MELK: variants seen among roughly 807,000 people sequenced by gnomAD.
The protein encoded by MELK is pEg3 kinase.
MELK carries 81 observed loss-of-function variants against 85.0 expected under a neutral mutation model. The observed-to-expected ratio is 0.95, with a 90% confidence interval of 0.80 to 1.15. The LOEUF (loss-of-function observed/expected upper bound fraction) is 1.15. Among genes scored for constraint, MELK ranks in the 50% most tolerant of loss-of-function variants. MELK has a pLI of 0.00. For missense variants in MELK, 754 were observed against 777.5 expected (o/e 0.97, Z 0.36); for synonymous variants, 252 against 265.0 (o/e 0.95, Z 0.48).
intron 11 of MELK, among the ~76,000 whole-genome samples, chr9:36,645,788 A>G (rs548127375): frequency 1.2e-4 from 18 of 152,266 alleles, no homozygotes; most frequent in Non-Finnish European, 2.5e-4. Flanking sequence ...CAGAGTCGAG[A>G]AGCAGTGCTC....
intron 1 of MELK, among the ~76,000 whole-genome samples, chr9:36,575,238 C>A (rs1396704029): frequency 2.0e-5 from 3 of 152,170 alleles, no homozygotes; most frequent in Non-Finnish European, 4.4e-5. Context: ...GTCTAATTTC[C>A]TTCTTCATTA....
Position 36,583,710 on chromosome 9 carries a change from G to A in MELK, c.142G>A (p.Gly48Arg). 6.3e-7 allele frequency: 1 copy of A among 1,599,692 alleles called. No individual in the cohort carries two copies. Among genetic ancestry groups the A allele is most frequent in the Non-Finnish European group, 8.6e-7 (1 of 1,168,086 alleles). The change falls in exon 3 of 18, where the codon GGG (glycine) becomes AGG (arginine). Residue 48 changes from glycine to arginine, a missense_variant and splice_region_variant. Transcript: ENST00000298048. ...AIKIMDKNTL[G>R]SDLPRIKTEI... The stretch of plus-strand genomic sequence containing the variant: ...AAAAATCATGGATAAAAACACACTA[G>A]GGGTAAGTTTAGATTTATTTAAAAA...
intron 11 of MELK, among the ~76,000 whole-genome samples, chr9:36,650,105 G>A (rs1830572082): frequency 1.3e-5 from 2 of 151,856 alleles, no homozygotes; most frequent in Non-Finnish European, 2.9e-5. Context: ...TACCACGCCC[G>A]GCTAATTTTT....
At chr9:36,616,727 G>A (rs543621024) in intron 8 of MELK, among the ~76,000 whole-genome samples, 4 of 151,402 alleles carry the variant, frequency 2.6e-5, no homozygotes, top group African/African-American at 4.8e-5. Flanking sequence ...TTGCTATCAC[G>A]TTTATCAGAT....
chr9:36,603,680 C>T (rs552289344), intron 7 of MELK, among the ~76,000 whole-genome samples: 29 of 152,150 alleles, frequency 1.9e-4, no homozygotes, highest in Middle Eastern at 3.4e-3. Context: ...GTGATCCTCC[C>T]GCCTTGGCCT....
chr9:36,604,062 C>G (rs539126471), intron 7 of MELK, among the ~76,000 whole-genome samples: 20 of 151,440 alleles, frequency 1.3e-4, no homozygotes, highest in African/African-American at 4.9e-4. Context: ...CTCTGCCTCC[C>G]GAGTTCAAGC....
chr9:36,598,335 C>A (rs1824521758), intron 6 of MELK, among the ~76,000 whole-genome samples: 1 of 152,126 alleles, frequency 6.6e-6, no homozygotes, highest in African/African-American at 2.4e-5. Flanking sequence ...ACGGATTACA[C>A]ACATAGACAC....
chr9:36,592,116 T>C (rs1382304681), intron 4 of MELK, among the ~76,000 whole-genome samples: 1 of 151,956 alleles, frequency 6.6e-6, no homozygotes, highest in East Asian at 1.9e-4. Flanking sequence ...CCTCCCAAAA[T>C]GTTGGGATTA....
At chr9:36,652,454 G>A (rs565686629) in intron 12 of MELK, among the ~76,000 whole-genome samples, 2 of 151,196 alleles carry the variant, frequency 1.3e-5, no homozygotes, top group South Asian at 2.1e-4. Flanking sequence ...AAGCCAGGCC[G>A]GGTGTGGTGG....
intron 10 of MELK, among the ~76,000 whole-genome samples, chr9:36,642,067 G>T (rs981724575): frequency 5.3e-5 from 8 of 152,194 alleles, no homozygotes; most frequent in African/African-American, 1.9e-4. Context: ...CCCATTTCCA[G>T]CCCTACCTTT....
chr9:36,584,934 G>T (rs1386009177), intron 3 of MELK, among the ~76,000 whole-genome samples: 6 of 152,010 alleles, frequency 3.9e-5, no homozygotes, highest in Non-Finnish European at 8.8e-5. Flanking sequence ...GCCCAGGGTG[G>T]TCTCAAACTC....
chr9:36,618,618 G>T (rs1048730331), intron 8 of MELK, among the ~76,000 whole-genome samples: 1 of 152,044 alleles, frequency 6.6e-6, no homozygotes, highest in Non-Finnish European at 1.5e-5. Context: ...AGAAGTGTCA[G>T]CTCCATTACT....
chr9:36,636,770 TTC>T (rs1382568380), intron 10 of MELK, among the ~76,000 whole-genome samples: 1 of 111,172 alleles, frequency 9.0e-6, no homozygotes, highest in East Asian at 2.5e-4. Flanking sequence ...CTTTCTTTCT[TTC>T]TTTCTTTCTT....
intron 8 of MELK, among the ~76,000 whole-genome samples, chr9:36,611,279 C>A (rs1016509763): frequency 6.6e-6 from 1 of 152,188 alleles, no homozygotes; most frequent in Non-Finnish European, 1.5e-5. Context: ...CGGAATATTA[C>A]ACCTCCTAGA....
chr9:36,646,607 G>T (rs1337119053), intron 11 of MELK, among the ~76,000 whole-genome samples: 1 of 152,172 alleles, frequency 6.6e-6, no homozygotes, highest in African/African-American at 2.4e-5. Context: ...GCCCTGAGTG[G>T]CTCTGGATTG....
chr9:36,620,727 T>G (rs1372948741), intron 8 of MELK, among the ~76,000 whole-genome samples: 1 of 151,742 alleles, frequency 6.6e-6, no homozygotes, highest in Non-Finnish European at 1.5e-5. Context: ...ATTTTTGTAT[T>G]TTTAGTAGAG....
intron 1 of MELK, among the ~76,000 whole-genome samples, chr9:36,574,023 T>C (rs573085012): frequency 6.6e-6 from 1 of 152,278 alleles, no homozygotes; most frequent in South Asian, 2.1e-4. Context: ...GCCTGGATTG[T>C]TGTTTAGAGG....
chr9:36,640,363 CTCTT>C (rs1251577076), intron 10 of MELK, among the ~76,000 whole-genome samples: 2 of 152,206 alleles, frequency 1.3e-5, no homozygotes, highest in African/African-American at 4.8e-5. Context: ...CATAGAATGG[CTCTT>C]TCTTGCTGTG....
At chr9:36,663,369 C>T (rs887887159) in intron 13 of MELK, among the ~76,000 whole-genome samples, 40 of 152,234 alleles carry the variant, frequency 2.6e-4, no homozygotes, top group African/African-American at 7.7e-4. Flanking sequence ...TGTGAGCCAG[C>T]GCACCCAGCC....
Sources: allele counts gnomAD v4.1 joint callset (sites outside exome capture counted in the v4.1 genomes callset), GRCh38; gene constraint gnomAD v4.1.1; transcripts MANE v1.5; gene names NCBI Gene and HGNC (gene_info 2026-07-23, HGNC 2026-07-21).